The following ESRRA variants were observed in gnomAD, a reference collection of about 807,000 sequenced individuals.
The protein encoded by ESRRA is steroid hormone receptor ERR1.
A neutral mutation model predicts 35.6 loss-of-function variants in ESRRA; 7 were observed. That is an observed-to-expected ratio of 0.20 (90% CI 0.11 to 0.37). ESRRA has a LOEUF of 0.37. ESRRA is among the 10% of genes least tolerant of loss of function. ESRRA has a pLI of 1.00. For synonymous variants in ESRRA, 223 were observed against 246.9 expected, an observed-to-expected ratio of 0.90 and a Z score of 0.91; for missense variants, 378 against 561.7, an observed-to-expected ratio of 0.67 and a Z score of 3.31.
chr11:64,314,299 AC>A lies in ESRRA; in HGVS notation c.506del (p.Pro169HisfsTer26). 1 of 1,611,060 alleles carries A rather than the reference AC, an allele frequency of 6.2e-7. No homozygotes were observed. The highest frequency in any genetic ancestry group is 8.5e-7 in the Non-Finnish European group (1 of 1,179,244). ...RQKYKRRPEVDPLPFPGPFPA... is the reference protein window; with the variant it reads ...RQKYKRRPEVXPLPFPGPFPA... ...AAGTACAAGCGGCGGCCGGAGGTGG[AC>A]CCACTGCCCTTCCCGGGCCCCTTCC... On this transcript the variant is annotated frameshift_variant, in exon 4 of 7. Coordinates refer to ENST00000000442, the MANE Select transcript of ESRRA (RefSeq NM_004451.5). LOFTEE classifies it high-confidence loss of function.
intron 2 of ESRRA, among the ~76,000 whole-genome samples, chr11:64,308,134 C>G (rs1405027772): frequency 6.6e-6 from 1 of 151,968 alleles, no homozygotes; most frequent in Non-Finnish European, 1.5e-5. Flanking sequence ...ACAAATGATC[C>G]ACCTGCCTCG....
intron 6 of ESRRA, 134 bp downstream of exon 6, chr11:64,315,404 T>A: frequency 8.6e-7 from 1 of 1,156,092 alleles, no homozygotes; most frequent in Non-Finnish European, 1.2e-6. Flanking sequence ...TTGCTAGAAG[T>A]CAAAAAGCAA....
intron 2 of ESRRA, among the ~76,000 whole-genome samples, chr11:64,309,410 C>T (rs1364467304): frequency 8.1e-6 from 1 of 124,160 alleles, no homozygotes; most frequent in African/African-American, 3.0e-5. Context: ...CTAGTCTGGG[C>T]AACAGAATGA....
chr11:64,306,955 A>C, intron 1 of ESRRA: 1 of 417,576 alleles, frequency 2.4e-6, no homozygotes, highest in East Asian at 3.7e-5. Flanking sequence ...ACCTGCTGTC[A>C]GTTACTGGCC....
At chr11:64,312,716 G>C (rs1322326358) in intron 2 of ESRRA, among the ~76,000 whole-genome samples, 1 of 152,188 alleles carries the variant, frequency 6.6e-6, no homozygotes, top group Non-Finnish European at 1.5e-5. Context: ...GAGGGCTGAA[G>C]AGAAACCAGA....
At chr11:64,311,170 A>G (rs2035132428) in intron 2 of ESRRA, among the ~76,000 whole-genome samples, 1 of 152,200 alleles carries the variant, frequency 6.6e-6, no homozygotes, top group Admixed American at 6.5e-5. Flanking sequence ...GACTTGCCCA[A>G]GGTCATAAAG....
intron 4 of ESRRA, 22 bp downstream of exon 4, chr11:64,314,389 G>A (rs1376559761): frequency 1.3e-6 from 2 of 1,532,680 alleles, no homozygotes; most frequent in African/African-American, 2.8e-5. Flanking sequence ...GTGGGTACCT[G>A]GGGCTACGAA....
In ESRRA at chr11:64,315,757, C is replaced by T. The variant is rs1267654370; in HGVS notation, c.1063C>T (p.Leu355=). Residue 355 remains leucine (L), a synonymous_variant, in exon 7 of 7, where the codon CTG becomes TTG. Coordinates refer to ENST00000000442, the MANE Select transcript of ESRRA (RefSeq NM_004451.5). ...GGCTGTGGAGCAGCTGCGAGAAGCT[C>T]TGCACGAGGCCCTGCTGGAGTATGA... ...AEAVEQLREA[L]HEALLEYEAG... 2 of 1,613,922 alleles carry T rather than the reference C, an allele frequency of 1.2e-6. No individual in the cohort carries two copies. The highest frequency in any genetic ancestry group is 1.7e-5 in the Admixed American group (1 of 60,026).
intron 1 of ESRRA, among the ~76,000 whole-genome samples, chr11:64,306,017 C>T (rs904673409): frequency 1.6e-4 from 24 of 152,094 alleles, no homozygotes; most frequent in African/African-American, 4.6e-4. Context: ...CGCTCCGGGG[C>T]AGGGTTCAAT....
chr11:64,316,000 G>T lies in ESRRA; in HGVS notation c.*34G>T. ...GTGGGACTGGTGGGGGTTCTGGCAG[G>T]ACCTGCCTAGCATGGGGTCAGCCCC... On this transcript the variant is annotated 3_prime_UTR_variant, in exon 7 of 7. Coordinates refer to ENST00000000442, the MANE Select transcript of ESRRA (RefSeq NM_004451.5). The T allele has an allele frequency of 6.5e-7, 1 of 1,538,276 alleles. No individual in the cohort carries two copies. Among genetic ancestry groups the T allele is most frequent in the Admixed American group, 1.9e-5 (1 of 52,474 alleles).
intron 2 of ESRRA, among the ~76,000 whole-genome samples, chr11:64,308,109 C>A (rs1322391945): frequency 6.6e-6 from 1 of 151,110 alleles, no homozygotes; most frequent in East Asian, 2.0e-4. Context: ...CCAGGCTGGT[C>A]TGGAATTCCT....
chr11:64,316,125 T>A lies in ESRRA; in HGVS notation c.*159T>A. On this transcript the variant is annotated 3_prime_UTR_variant, in exon 7 of 7. Transcript: ENST00000000442. ...TGGGAACAGGCCCCACGCCCTCTCCTCCCCCTCCTAGGGGGTGTCAGAAGC... is the reference window on the plus strand; with the variant it reads ...TGGGAACAGGCCCCACGCCCTCTCCACCCCCTCCTAGGGGGTGTCAGAAGC... 1 of 822,918 alleles carries A rather than the reference T, an allele frequency of 1.2e-6. No individual in the cohort carries two copies. Among genetic ancestry groups the A allele is most frequent in the Non-Finnish European group, 1.9e-6 (1 of 533,416 alleles). The allele number at this position is 822,918 out of a possible 1,614,324, so 51.0% of individuals were successfully genotyped here. A position where few individuals can be genotyped will look rare whatever the true frequency, so the allele number is the denominator to read the frequency against.
intron 1 of ESRRA, chr11:64,306,830 C>G (rs2035042983): frequency 9.0e-6 from 2 of 222,426 alleles, no homozygotes; most frequent in South Asian, 2.7e-4. Context: ...TATCCTGCTC[C>G]TGGCTAGGGA....
rs1027199861 is a variant in ESRRA at position 64,315,381 on chromosome 11, G to A, written c.1012+111G>A. 7.1e-6 allele frequency: 9 copies of A among 1,264,110 alleles called. No homozygotes were observed. In the African/African-American group the frequency reaches 1.3e-4, roughly 19 times the overall value. 78.3% of individuals were successfully genotyped at this position (1,264,110 alleles called of 1,614,324 possible). On this transcript the variant is annotated intron_variant, in intron 6 of 6. Transcript: ENST00000000442. ...CAGATAACGAAAACTGAGGCTTAGGGAAGAACAATGACTTGCTAGAAGTCA... is the reference window on the plus strand; with the variant it reads ...CAGATAACGAAAACTGAGGCTTAGGAAAGAACAATGACTTGCTAGAAGTCA...
At position 64,315,808 on chromosome 11, in the gene ESRRA, G is replaced by T. The variant is rs757309827; in HGVS notation, c.1114G>T (p.Gly372Cys). The part of the protein sequence containing the change: ...YEAGRAGPGG[G>C]AERRRAGRLL... ...AGCCGGCCGGGCTGGCCCCGGAGGG[G>T]GTGCTGAGCGGCGGCGGGCGGGCAG... Residue 372 changes from glycine (G) to cysteine (C), a missense_variant, in exon 7 of 7, where the codon GGT becomes TGT. Physicochemically the swap from Gly to Cys is radical, Grantham distance 159. Transcript: ENST00000000442. 6.2e-7 allele frequency: 1 copy of T among 1,612,508 alleles called. No individual in the cohort carries two copies. The highest frequency in any genetic ancestry group is 1.1e-5 in the South Asian group (1 of 90,974).
In ESRRA at chr11:64,314,760, G is replaced by T. The variant is rs780696779; in HGVS notation, c.591G>T (p.Leu197=). The T allele has an allele frequency of 3.7e-6, 6 of 1,611,882 alleles. No individual in the cohort carries two copies. The highest frequency in any genetic ancestry group is 2.2e-4 in the Middle Eastern group (1 of 4,548). Residue 197 remains leucine (L), a synonymous_variant, in exon 5 of 7, where the codon CTG becomes CTT. Coordinates refer to ENST00000000442, the MANE Select transcript of ESRRA (RefSeq NM_004451.5). ...TCACAGCAGCCCCAGTGAATGCACT[G>T]GTGTCTCATCTGCTGGTGGTTGAGC... The part of the protein sequence containing the change: ...PRKTAAPVNA[L]VSHLLVVEPE...
At chr11:64,310,536 GTTTTTTTT>G (rs1185768710) in intron 2 of ESRRA, among the ~76,000 whole-genome samples, 3 of 100,498 alleles carry the variant, frequency 3.0e-5, no homozygotes, top group Non-Finnish European at 5.7e-5. Context: ...TCCTGGCCAG[GTTTTTTTT>G]TTTTTTTTTT....
Position 64,309,289 on chromosome 11 carries a change from C to T in ESRRA, c.325+1785C>T, listed in dbSNP as rs1192483616. On this transcript the variant is annotated intron_variant, in intron 2 of 6. Transcript: ENST00000000442. ...CTCTACTAAAAATACAAAAATTAGC[C>T]GGGCGTGGTGGTGAGTGCCTGTAAT... Among the ~76,000 whole-genome samples, 8 of 150,218 alleles carry T rather than the reference C, an allele frequency of 5.3e-5. No homozygotes were observed. The East Asian group carries it at 1.2e-3, about 22-fold the overall frequency.
rs774437764 is a variant in ESRRA, at chr11:64,307,308, C to T, written c.129C>T (p.Pro43=). 6.2e-7 allele frequency: 1 copy of T among 1,613,090 alleles called. No individual in the cohort carries two copies. Among genetic ancestry groups the T allele is most frequent in the African/African-American group, 1.3e-5 (1 of 74,926 alleles). Residue 43 remains proline (P), a synonymous_variant, in exon 2 of 7, where the codon CCC becomes CCT. Transcript: ENST00000000442. ...PPVALAPGPA[P]TRCLPGHKEE... is the part of the protein sequence containing the mutation. ...TGGCCCTGGCCCCTGGTCCAGCTCCCACTCGCTGCCTCCCAGGCCACAAGG... is the reference window on the plus strand; with the variant it reads ...TGGCCCTGGCCCCTGGTCCAGCTCCTACTCGCTGCCTCCCAGGCCACAAGG...
Sources: gnomAD v4.1 joint callset for allele counts (sites outside exome capture counted in the v4.1 genomes callset) on GRCh38, gnomAD v4.1.1 for gene constraint, MANE v1.5 for transcripts, NCBI Gene and HGNC (gene_info 2026-07-23, HGNC 2026-07-21) for gene names.